EPN2: variants seen among roughly 807,000 people sequenced by gnomAD.
EPN2 encodes epsin 2.
A neutral mutation model predicts 61.7 loss-of-function variants in EPN2; 34 were observed. That is an observed-to-expected ratio of 0.55 (90% CI 0.42 to 0.73). EPN2 has a LOEUF of 0.73. EPN2 is among the 30% of genes least tolerant of loss of function. The pLI, the probability that EPN2 is intolerant of heterozygous loss-of-function variation, is 0.00. For missense variants in EPN2, 714 were observed against 839.2 expected, an observed-to-expected ratio of 0.85 and a Z score of 1.84; for synonymous variants, 349 against 353.6, an observed-to-expected ratio of 0.99 and a Z score of 0.15.
intron 1 of EPN2, among the ~76,000 whole-genome samples, chr17:19,266,222 G>A (rs574947485): frequency 1.2e-4 from 19 of 152,230 alleles, no homozygotes; most frequent in Admixed American, 5.9e-4. Flanking sequence ...GCATACAGTT[G>A]AATGTTCTTA....
chr17:19,264,826 A>G (rs1174123909), intron 1 of EPN2, among the ~76,000 whole-genome samples: 2 of 152,186 alleles, frequency 1.3e-5, no homozygotes, highest in East Asian at 1.9e-4. Flanking sequence ...CCCAGCATGC[A>G]GCATCAAGGA....
At chr17:19,255,270 T>C (rs2045061862) in intron 1 of EPN2, among the ~76,000 whole-genome samples, 1 of 151,928 alleles carries the variant, frequency 6.6e-6, no homozygotes, top group African/African-American at 2.4e-5. Context: ...GTGAATCTGG[T>C]TTGTTTTTTA....
chr17:19,288,322 G>A (rs2045425369), intron 4 of EPN2, among the ~76,000 whole-genome samples: 1 of 152,252 alleles, frequency 6.6e-6, no homozygotes. Context: ...ACAGAACAGA[G>A]CCCCTTGCCC....
intron 9 of EPN2, among the ~76,000 whole-genome samples, chr17:19,331,111 A>G (rs1230459829): frequency 1.3e-5 from 2 of 152,174 alleles, no homozygotes; most frequent in African/African-American, 2.4e-5. Context: ...ACATCTTCTC[A>G]TGACTTTAAA....
At chr17:19,305,540 T>C (rs1043622081) in intron 4 of EPN2, among the ~76,000 whole-genome samples, 1 of 152,244 alleles carries the variant, frequency 6.6e-6, no homozygotes, top group Non-Finnish European at 1.5e-5. Flanking sequence ...TTCCATACTT[T>C]CTAGGAAAAT....
At chr17:19,304,177 C>T (rs1165703398) in intron 4 of EPN2, among the ~76,000 whole-genome samples, 1 of 152,162 alleles carries the variant, frequency 6.6e-6, no homozygotes, top group South Asian at 2.1e-4. Context: ...AGACTAAAAG[C>T]AGCCTTCCCA....
intron 7 of EPN2, chr17:19,313,523 A>C: frequency 4.9e-6 from 2 of 408,622 alleles, no homozygotes; most frequent in South Asian, 8.5e-5. Context: ...CCTCCCCTCA[A>C]CCTCCCATTT....
chr17:19,277,831 G>T (rs2045322475), intron 1 of EPN2, among the ~76,000 whole-genome samples: 1 of 152,174 alleles, frequency 6.6e-6, no homozygotes, highest in African/African-American at 2.4e-5. Context: ...CCAGCACTCT[G>T]GGAGGCCAGG....
intron 4 of EPN2, among the ~76,000 whole-genome samples, chr17:19,303,428 A>T (rs1406288232): frequency 6.6e-6 from 1 of 152,032 alleles, no homozygotes; most frequent in Non-Finnish European, 1.5e-5. Flanking sequence ...CACGTTCTCC[A>T]TTTCTCCGGG....
intron 4 of EPN2, among the ~76,000 whole-genome samples, chr17:19,298,879 T>G (rs1413376429): frequency 1.3e-5 from 1 of 78,466 alleles, no homozygotes; most frequent in Non-Finnish European, 2.6e-5. Flanking sequence ...ATGATCAGAC[T>G]TGTTTCAGAT....
rs185202112 is a variant in EPN2 at position 19,264,133 on chromosome 17, T to G, written c.-293-17822T>G. ...GGACAATGGCAGTGTAAACATTGTT[T>G]GAACAAAAAGCATTTGGCCAATGGA... On this transcript the variant is annotated intron_variant, in intron 1 of 10. Coordinates refer to ENST00000314728, the MANE Select transcript of EPN2 (RefSeq NM_014964.5). Among the ~76,000 whole-genome samples, 553 of 152,312 alleles carry G rather than the reference T, an allele frequency of 3.6e-3. 3 individuals carry two copies. The highest frequency in any genetic ancestry group is 4.6e-3 in the Non-Finnish European group (316 of 68,022).
At chr17:19,304,199 C>T (rs186413943) in intron 4 of EPN2, among the ~76,000 whole-genome samples, 2 of 152,306 alleles carry the variant, frequency 1.3e-5, no homozygotes, top group Admixed American at 6.5e-5. Flanking sequence ...CATCTCCCTG[C>T]GAGGAGGTAA....
chr17:19,280,461 T>TA (rs1157401880), intron 1 of EPN2, among the ~76,000 whole-genome samples: 2 of 152,232 alleles, frequency 1.3e-5, no homozygotes, highest in Non-Finnish European at 2.9e-5. Flanking sequence ...CAAAAGTTTT[T>TA]ATCCCTGGTC....
chr17:19,275,202 G>T (rs1362551978), intron 1 of EPN2, among the ~76,000 whole-genome samples: 2 of 152,176 alleles, frequency 1.3e-5, no homozygotes, highest in African/African-American at 4.8e-5. Context: ...CCTACTTGAG[G>T]CCCTGTTGGA....
At chr17:19,317,299 C>G (rs1420070078) in intron 7 of EPN2, among the ~76,000 whole-genome samples, 1 of 152,216 alleles carries the variant, frequency 6.6e-6, no homozygotes, top group Non-Finnish European at 1.5e-5. Context: ...GCTTCCTCCT[C>G]TGTTCCAGAC....
At position 19,285,643 on chromosome 17, in the gene EPN2, C is replaced by T. The variant is rs1209744292; in HGVS notation, c.619C>T (p.Gln207Ter). Residue 207 changes from glutamine (Q) to a stop codon, truncating the protein, a stop_gained, in exon 4 of 11, where the codon CAG (glutamine) becomes TAG (stop). Transcript: ENST00000314728. LOFTEE classifies it high-confidence loss of function. This position sits in a 1 kb window ranked among gnomAD's most constrained non-coding sequence, Gnocchi z 4.5. Reference protein sequence around the residue: ...HGSPEASLCPQHRTGAPLGQS... With the variant: ...HGSPEASLCP Reference sequence around the variant, plus strand: ...AGCGCCTGAGGCCTCGCTGTGCCCCCAGCACCGCACAGGGGCCCCGCTGGG... The same window carrying T: ...AGCGCCTGAGGCCTCGCTGTGCCCCTAGCACCGCACAGGGGCCCCGCTGGG... 5 of 1,561,900 alleles carry T rather than the reference C, an allele frequency of 3.2e-6. No homozygotes were observed. The highest frequency in any genetic ancestry group is 4.3e-6 in the Non-Finnish European group (5 of 1,154,022).
intron 1 of EPN2, among the ~76,000 whole-genome samples, chr17:19,253,864 G>T (rs529102391): frequency 6.6e-6 from 1 of 152,280 alleles, no homozygotes; most frequent in South Asian, 2.1e-4. Flanking sequence ...AACAGTCGTG[G>T]TGGCTCATAC....
chr17:19,328,413 C>CT (rs747926822), intron 7 of EPN2, among the ~76,000 whole-genome samples: 6 of 152,100 alleles, frequency 3.9e-5, no homozygotes, highest in Non-Finnish European at 8.8e-5. Context: ...TGCAAGCCCC[C>CT]TGTATGGTGG....
In EPN2 at chr17:19,283,242, C is replaced by T. The variant is rs115073761; in HGVS notation, c.123C>T (p.Thr41=). ...DPWGPSSSLM[T]EIADLTYNVV... ...GGGGCCCGTCCAGTTCTCTGATGACCGAGATTGCCGACCTGACCTACAACG... is the reference window on the plus strand; with the variant it reads ...GGGGCCCGTCCAGTTCTCTGATGACTGAGATTGCCGACCTGACCTACAACG... The change falls in exon 3 of 11, where the codon ACC becomes ACT. Residue 41 remains threonine, a synonymous_variant. Transcript: ENST00000314728. The surrounding 1 kb of genome is among the most constrained non-coding windows in gnomAD (Gnocchi z 7.0). The T allele has an allele frequency of 7.3e-5, 118 of 1,614,010 alleles. 1 individual carries two copies. The South Asian group carries it at 9.9e-4, about 14-fold the overall frequency.
Sources: gnomAD v4.1 joint callset for allele counts (sites outside exome capture counted in the v4.1 genomes callset) on GRCh38, gnomAD v4.1.1 for gene constraint, Gnocchi (gnomAD v3.1) non-coding constraint, MANE v1.5 for transcripts, NCBI Gene and HGNC (gene_info 2026-07-23, HGNC 2026-07-21) for gene names.